The following RAB28 variants were observed in gnomAD, a reference collection of about 807,000 sequenced individuals.
The protein encoded by RAB28 is RAB28, member RAS oncogene family.
Under a neutral mutation model 31.7 loss-of-function variants are expected in RAB28, and 24 were observed. The ratio of observed to expected loss-of-function variants is 0.76; its 90% CI spans 0.55 to 1.06. The LOEUF is 1.06. Ranked by LOEUF, RAB28 falls within the 50% of genes least tolerant of loss-of-function variation. RAB28 has a pLI of 0.00. For missense variants in RAB28, 254 were observed against 258.5 expected, an observed-to-expected ratio of 0.98 and a Z score of 0.12; for synonymous variants, 100 against 90.4, an observed-to-expected ratio of 1.11 and a Z score of -0.60.
chr4:13,438,874 G>A (rs181618061), intron 4 of RAB28, among the ~76,000 whole-genome samples: 4 of 152,164 alleles, frequency 2.6e-5, no homozygotes, highest in South Asian at 2.1e-4. Flanking sequence ...TGTTTTCCAC[G>A]GCAGCTGCAT....
chr4:13,427,741 G>A (rs1197424150), intron 4 of RAB28, among the ~76,000 whole-genome samples: 4 of 152,100 alleles, frequency 2.6e-5, no homozygotes, highest in African/African-American at 7.2e-5. Flanking sequence ...AAACGGACCC[G>A]GGAGAGAGGA....
intron 4 of RAB28, among the ~76,000 whole-genome samples, chr4:13,419,388 C>A (rs1300147987): frequency 6.6e-6 from 1 of 152,142 alleles, no homozygotes; most frequent in African/African-American, 2.4e-5. Flanking sequence ...CTCAGCTCTG[C>A]ACCAGGCAGA....
chr4:13,442,483 CA>C (rs1296539982), intron 4 of RAB28, among the ~76,000 whole-genome samples: 47 of 130,550 alleles, frequency 3.6e-4, no homozygotes, highest in East Asian at 4.4e-4. Context: ...AGCAAATGTC[CA>C]AAAAAAAAAA....
At chr4:13,397,268 A>G (rs938908151) in intron 4 of RAB28, among the ~76,000 whole-genome samples, 1 of 152,102 alleles carries the variant, frequency 6.6e-6, no homozygotes, top group Admixed American at 6.5e-5. Flanking sequence ...ATGGCAAAAC[A>G]ACATTATTTG....
chr4:13,391,087 G>A (rs1729608107), intron 4 of RAB28, among the ~76,000 whole-genome samples: 1 of 152,144 alleles, frequency 6.6e-6, no homozygotes, highest in South Asian at 2.1e-4. Flanking sequence ...CTTCTGCACA[G>A]CAAAAGAAAC....
intron 5 of RAB28, among the ~76,000 whole-genome samples, chr4:13,377,794 A>C (rs571589664): frequency 1.4e-4 from 21 of 152,352 alleles, no homozygotes; most frequent in African/African-American, 5.0e-4. Context: ...AGAAGTGGAC[A>C]AAGTAAGAAA....
chr4:13,478,233 T>C (rs770503952), intron 2 of RAB28, among the ~76,000 whole-genome samples: 13 of 151,618 alleles, frequency 8.6e-5, no homozygotes, highest in Non-Finnish European at 1.6e-4. Context: ...ATTTTCAGTT[T>C]TGGATACAAT....
chr4:13,385,762 C>T (rs1044287507), intron 4 of RAB28, among the ~76,000 whole-genome samples: 1 of 152,094 alleles, frequency 6.6e-6, no homozygotes, highest in Non-Finnish European at 1.5e-5. Flanking sequence ...TATAAAGCAA[C>T]CACACAAAAA....
intron 5 of RAB28, among the ~76,000 whole-genome samples, chr4:13,379,602 G>C (rs541359271): frequency 6.6e-6 from 1 of 152,132 alleles, no homozygotes; most frequent in South Asian, 2.1e-4. Context: ...TGCTAGGGTT[G>C]AGAATGGTTG....
At chr4:13,468,350 C>T (rs1715967352) in intron 3 of RAB28, among the ~76,000 whole-genome samples, 1 of 151,860 alleles carries the variant, frequency 6.6e-6, no homozygotes, top group Admixed American at 6.6e-5. Flanking sequence ...TAAAATATAC[C>T]TTAATATGTT....
At chr4:13,434,987 C>T (rs148489356) in intron 4 of RAB28, among the ~76,000 whole-genome samples, 255 of 145,912 alleles carry the variant, frequency 1.7e-3, no homozygotes, top group African/African-American at 6.4e-3. Flanking sequence ...CCACTGTACT[C>T]CAGCCTTGGC....
At chr4:13,392,973 A>G in intron 4 of RAB28, among the ~76,000 whole-genome samples, 1 of 152,220 alleles carries the variant, frequency 6.6e-6, no homozygotes, top group East Asian at 1.9e-4. Flanking sequence ...AGCATATAGC[A>G]AGACATATTG....
At chr4:13,453,048 T>C (rs1715059466) in intron 4 of RAB28, among the ~76,000 whole-genome samples, 1 of 152,164 alleles carries the variant, frequency 6.6e-6, no homozygotes, top group Admixed American at 6.5e-5. Context: ...TTTGTACAGA[T>C]TTTGACTTGA....
At chr4:13,431,365 G>A (rs1273691783) in intron 4 of RAB28, among the ~76,000 whole-genome samples, 1 of 152,160 alleles carries the variant, frequency 6.6e-6, no homozygotes, top group East Asian at 1.9e-4. Context: ...TGCACCCGCT[G>A]CCCCTTCTCC....
At chr4:13,384,708 A>T (rs1729287688) in intron 4 of RAB28, among the ~76,000 whole-genome samples, 1 of 152,206 alleles carries the variant, frequency 6.6e-6, no homozygotes, top group Non-Finnish European at 1.5e-5. Flanking sequence ...AAAGAAAAAA[A>T]GTCCAAAGAT....
At chr4:13,455,529 C>G (rs1715251036) in intron 4 of RAB28, among the ~76,000 whole-genome samples, 1 of 152,160 alleles carries the variant, frequency 6.6e-6, no homozygotes, top group Non-Finnish European at 1.5e-5. Flanking sequence ...TGGAGAGGTC[C>G]AAATGCTACT....
chr4:13,399,991 G>A (rs1251552995), intron 4 of RAB28, among the ~76,000 whole-genome samples: 2 of 151,990 alleles, frequency 1.3e-5, no homozygotes, highest in Non-Finnish European at 2.9e-5. Context: ...TTTTTATTCT[G>A]TAAAGTTGTG....
At chr4:13,476,028 C>G (rs1305137214) in intron 2 of RAB28, among the ~76,000 whole-genome samples, 2 of 151,462 alleles carry the variant, frequency 1.3e-5, no homozygotes, top group African/African-American at 4.8e-5. Context: ...CTAACTTTTA[C>G]AGAGTAAGAT....
chr4:13,380,003 A>G (rs567573587), intron 5 of RAB28, among the ~76,000 whole-genome samples: 3 of 152,332 alleles, frequency 2.0e-5, no homozygotes, highest in Admixed American at 2.0e-4. Context: ...TAAGTGGTTA[A>G]AAACAAGCTA....
Sources: gnomAD v4.1 joint callset for allele counts (sites outside exome capture counted in the v4.1 genomes callset) on GRCh38, gnomAD v4.1.1 for gene constraint, MANE v1.5 for transcripts, NCBI Gene and HGNC (gene_info 2026-07-23, HGNC 2026-07-21) for gene names.